Variants in DGKI observed in about 807,000 individuals in gnomAD.
DGKI encodes the protein DAG kinase iota.
A neutral mutation model predicts 147.5 loss-of-function variants in DGKI; 55 were observed. The ratio of observed to expected loss-of-function variants is 0.37; its 90% CI spans 0.30 to 0.47. DGKI has a LOEUF of 0.47. Ranked by LOEUF, DGKI falls within the 20% of genes least tolerant of loss-of-function variation. The pLI, the probability that DGKI is intolerant of heterozygous loss-of-function variation, is 1.00. For missense variants in DGKI, 1,007 were observed against 1,323.8 expected, an observed-to-expected ratio of 0.76 and a Z score of 3.71; for synonymous variants, 469 against 477.1, an observed-to-expected ratio of 0.98 and a Z score of 0.22.
intron 21 of DGKI, among the ~76,000 whole-genome samples, chr7:137,492,029 C>T (rs1026582901): frequency 1.3e-5 from 2 of 152,202 alleles, no homozygotes; most frequent in Non-Finnish European, 2.9e-5. Flanking sequence ...AGAAATGGGA[C>T]ATATCTAGGA....
chr7:137,728,628 G>A (rs1309360800), intron 1 of DGKI, among the ~76,000 whole-genome samples: 3 of 152,088 alleles, frequency 2.0e-5, no homozygotes, highest in Admixed American at 6.6e-5. Context: ...CTCTGCCAGT[G>A]AAACCTAACT....
chr7:137,579,708 C>T (rs1427288221), intron 15 of DGKI, among the ~76,000 whole-genome samples: 4 of 152,094 alleles, frequency 2.6e-5, no homozygotes, highest in South Asian at 4.1e-4. Flanking sequence ...TGATTTTCCT[C>T]AAAGGCTCTG....
intron 6 of DGKI, among the ~76,000 whole-genome samples, chr7:137,627,439 C>G (rs533217040): frequency 5.3e-5 from 8 of 152,278 alleles, no homozygotes; most frequent in African/African-American, 1.7e-4. Context: ...ATTAATTGAA[C>G]AAAAAGTTGC....
At chr7:137,572,452 T>G (rs1046574942) in intron 18 of DGKI, among the ~76,000 whole-genome samples, 1 of 152,184 alleles carries the variant, frequency 6.6e-6, no homozygotes, top group African/African-American at 2.4e-5. Flanking sequence ...TCTCTCATTC[T>G]TAGATGGGGA....
rs372487639 is a variant in DGKI, at chr7:137,605,079, G to A, written c.1167+3887C>T. On this transcript the variant is annotated intron_variant, in intron 10 of 32. Transcript: ENST00000614521. ...TCCCAGCACTTTGGGAGGCCAAGGCGGGCAGATCACCTGAGGTCAGGCATT... is the reference window on the plus strand; with the variant it reads ...TCCCAGCACTTTGGGAGGCCAAGGCAGGCAGATCACCTGAGGTCAGGCATT... 2.3e-4 allele frequency among the ~76,000 whole-genome samples: 35 copies of A among 152,148 alleles called. 1 individual carries two copies. In the South Asian group the frequency reaches 5.2e-3, roughly 23 times the overall value.
Position 137,571,285 on chromosome 7 carries a change from A to G in DGKI, c.1837T>C (p.Tyr613His). ...QCIVFLNIPR[Y>H]CAGTMPWGNP... ...CCCCAGGGCATTGTGCCAGCACAAT[A>G]TCTGCAAGAGAAGATTAAAGACAGA... Residue 613 changes from tyrosine (Y) to histidine (H), a missense_variant and splice_region_variant, in exon 19 of 33, where the codon TAT (tyrosine) becomes CAT (histidine). Coordinates refer to ENST00000614521, the MANE Select transcript of DGKI (RefSeq NM_001321708.2). The G allele has an allele frequency of 6.2e-7, 1 of 1,604,746 alleles. No homozygotes were observed. The highest frequency in any genetic ancestry group is 8.5e-7 in the Non-Finnish European group (1 of 1,173,428).
chr7:137,821,329 A>AG (rs1054839950), intron 1 of DGKI, among the ~76,000 whole-genome samples: 1 of 152,238 alleles, frequency 6.6e-6, no homozygotes, highest in South Asian at 2.1e-4. Flanking sequence ...TGGAAGTCAC[A>AG]GGGGGTGCCT....
At chr7:137,533,825 A>T (rs1206045148) in intron 20 of DGKI, among the ~76,000 whole-genome samples, 1 of 151,896 alleles carries the variant, frequency 6.6e-6, no homozygotes, top group Admixed American at 6.6e-5. Context: ...CTTAATTTTT[A>T]TAATGGCCCA....
At chr7:137,424,330 G>T (rs1812694809) in intron 28 of DGKI, among the ~76,000 whole-genome samples, 1 of 152,116 alleles carries the variant, frequency 6.6e-6, no homozygotes, top group African/African-American at 2.4e-5. Context: ...CAGTTGATAG[G>T]AAGGGAAATG....
chr7:137,442,184 T>C (rs1813536666), intron 28 of DGKI, among the ~76,000 whole-genome samples: 1 of 152,208 alleles, frequency 6.6e-6, no homozygotes, highest in Non-Finnish European at 1.5e-5. Context: ...CATGAAATTA[T>C]AATGGCCCTC....
rs1439055163 is a variant in DGKI, at chr7:137,383,084, T to A, written c.*8136A>T. 1 of 151,904 alleles carries A rather than the reference T, an allele frequency of 6.6e-6. No individual in the cohort carries two copies. The highest frequency in any genetic ancestry group is 1.9e-4 in the East Asian group (1 of 5,138). 9.4% of individuals were successfully genotyped at this position (151,904 alleles called of 1,614,324 possible). Reference sequence around the variant, plus strand: ...CCTCTTCTCCAGTCCTGACTCTACATCCCAAACAACAAATGGGTAGTAAGT... The same window carrying A: ...CCTCTTCTCCAGTCCTGACTCTACAACCCAAACAACAAATGGGTAGTAAGT... On this transcript the variant is annotated 3_prime_UTR_variant, in exon 33 of 33. Coordinates refer to ENST00000614521, the MANE Select transcript of DGKI (RefSeq NM_001321708.2).
chr7:137,690,148 T>C (rs1823556235), intron 1 of DGKI, 146 bp from the exon 2 acceptor site: 2 of 587,744 alleles, frequency 3.4e-6, no homozygotes, highest in African/African-American at 3.8e-5. Context: ...TATTGGAATA[T>C]ACCTCTCTAA....
chr7:137,488,293 T>C (rs1815640481), intron 21 of DGKI, among the ~76,000 whole-genome samples: 1 of 152,138 alleles, frequency 6.6e-6, no homozygotes, highest in Non-Finnish European at 1.5e-5. Flanking sequence ...AAACAGCTTC[T>C]AGAAGAGGCA....
chr7:137,611,392 C>A (rs1337442020), intron 8 of DGKI, among the ~76,000 whole-genome samples: 1 of 152,116 alleles, frequency 6.6e-6, no homozygotes, highest in Non-Finnish European at 1.5e-5. Flanking sequence ...TGGGGTAAAG[C>A]CCAGGCAAGG....
chr7:137,647,766 C>A (rs956975738), intron 5 of DGKI, among the ~76,000 whole-genome samples: 10 of 152,218 alleles, frequency 6.6e-5, no homozygotes, highest in Admixed American at 5.9e-4. Flanking sequence ...AAGATGAGAA[C>A]CTTAGTCCAC....
At chr7:137,395,288 C>T (rs1811507841) in intron 32 of DGKI, among the ~76,000 whole-genome samples, 1 of 152,196 alleles carries the variant, frequency 6.6e-6, no homozygotes, top group South Asian at 2.1e-4. Flanking sequence ...CCTGACCCCT[C>T]TCCTTGGGCT....
intron 23 of DGKI, among the ~76,000 whole-genome samples, chr7:137,475,796 G>A (rs1401618901): frequency 3.3e-5 from 5 of 152,048 alleles, no homozygotes; most frequent in Non-Finnish European, 2.9e-5. Flanking sequence ...TTTTCCCAAT[G>A]GATGACTATT....
intron 1 of DGKI, among the ~76,000 whole-genome samples, chr7:137,692,139 T>A (rs1225877678): frequency 6.6e-6 from 1 of 152,182 alleles, no homozygotes; most frequent in Non-Finnish European, 1.5e-5. Context: ...ACAGTGATCT[T>A]TCATCTCAAA....
At position 137,388,637 on chromosome 7, in the gene DGKI, G is replaced by A. The variant is rs1413056148; in HGVS notation, c.*2583C>T. 1 of 152,074 alleles carries A rather than the reference G, an allele frequency of 6.6e-6. No individual in the cohort carries two copies. The highest frequency in any genetic ancestry group is 1.5e-5 in the Non-Finnish European group (1 of 68,016). 9.4% of individuals were successfully genotyped at this position (152,074 alleles called of 1,614,324 possible). ...GGCCTTAGCTCTTTCCAAAGCCCAGGACCAATTTTTAAAACATGCTACAGG... is the reference window on the plus strand; with the variant it reads ...GGCCTTAGCTCTTTCCAAAGCCCAGAACCAATTTTTAAAACATGCTACAGG... On this transcript the variant is annotated 3_prime_UTR_variant, in exon 33 of 33. Coordinates refer to ENST00000614521, the MANE Select transcript of DGKI (RefSeq NM_001321708.2).
Sources: gnomAD v4.1 joint callset for allele counts (sites outside exome capture counted in the v4.1 genomes callset) on GRCh38, gnomAD v4.1.1 for gene constraint, MANE v1.5 for transcripts, NCBI Gene and HGNC (gene_info 2026-07-23, HGNC 2026-07-21) for gene names.